UNC5D: variants seen among roughly 807,000 people sequenced by gnomAD.
The protein encoded by UNC5D is unc-5 netrin receptor D.
UNC5D carries 39 observed loss-of-function variants against 105.4 expected under a neutral mutation model. The observed-to-expected ratio is 0.37, with a 90% CI of 0.29 to 0.48. The LOEUF (loss-of-function observed/expected upper bound fraction) is 0.48. UNC5D is among the 20% of genes least tolerant of loss of function. The pLI, the probability that UNC5D is intolerant of heterozygous loss-of-function variation, is 0.98. For missense variants in UNC5D, 991 were observed against 1,202.4 expected (o/e 0.82, Z 2.60); for synonymous variants, 452 against 450.4 (o/e 1.00, Z -0.04).
intron 1 of UNC5D, among the ~76,000 whole-genome samples, chr8:35,489,850 T>C (rs928518869): frequency 1.2e-4 from 19 of 152,220 alleles, no homozygotes; most frequent in African/African-American, 4.3e-4. Context: ...TTTGAAATAA[T>C]GAGACATGAT....
At chr8:35,640,455 C>A (rs1822642277) in intron 4 of UNC5D, among the ~76,000 whole-genome samples, 2 of 152,022 alleles carry the variant, frequency 1.3e-5, no homozygotes, top group Admixed American at 1.3e-4. Flanking sequence ...TTTTTGCTTT[C>A]TTGATATGAT....
intron 1 of UNC5D, among the ~76,000 whole-genome samples, chr8:35,304,700 G>T (rs750802711): frequency 2.0e-5 from 3 of 151,974 alleles, no homozygotes; most frequent in African/African-American, 7.2e-5. Context: ...TTTCTCTTTC[G>T]TTTTCTATAT....
At chr8:35,347,276 G>A (rs920431806) in intron 1 of UNC5D, among the ~76,000 whole-genome samples, 6 of 152,006 alleles carry the variant, frequency 3.9e-5, no homozygotes, top group Non-Finnish European at 8.8e-5. Context: ...CAAGTGGTCA[G>A]TGGGCTTTGT....
In UNC5D at chr8:35,732,239, G is replaced by T. The variant is rs933189143; in HGVS notation, c.1766+1143G>T. 5.9e-5 allele frequency among the ~76,000 whole-genome samples: 9 copies of T among 152,182 alleles called. No homozygotes were observed. The East Asian group carries it at 1.3e-3, about 23-fold the overall frequency. On this transcript the variant is annotated intron_variant, in intron 11 of 16. Transcript: ENST00000404895. Reference sequence around the variant, plus strand: ...GCTATTTCTATAAAAGGATTTGTTGGTACTCAATGGTTTTAACTTTCTGCT... The same window carrying T: ...GCTATTTCTATAAAAGGATTTGTTGTTACTCAATGGTTTTAACTTTCTGCT...
chr8:35,683,441 T>C (rs556569453), intron 4 of UNC5D, 106 bp from the exon 5 acceptor site: 1 of 1,138,242 alleles, frequency 8.8e-7, no homozygotes, highest in Non-Finnish European at 1.2e-6. Flanking sequence ...TGTTGCTCTA[T>C]ATTTTAGATA....
intron 1 of UNC5D, among the ~76,000 whole-genome samples, chr8:35,495,547 C>T (rs1395449533): frequency 1.3e-5 from 2 of 150,682 alleles, no homozygotes; most frequent in African/African-American, 2.4e-5. Context: ...TCAAAGCTGT[C>T]CTGCAGGTTG....
chr8:35,312,791 G>C (rs1808994589), intron 1 of UNC5D, among the ~76,000 whole-genome samples: 1 of 152,134 alleles, frequency 6.6e-6, no homozygotes, highest in South Asian at 2.1e-4. Context: ...AGAACTTCAT[G>C]TTTCAATGTA....
intron 1 of UNC5D, among the ~76,000 whole-genome samples, chr8:35,437,018 T>C (rs111585954): frequency 1.3e-4 from 20 of 151,998 alleles, no homozygotes; most frequent in Non-Finnish European, 2.1e-4. Context: ...TTTTTTTTCA[T>C]TGAGACAGTG....
chr8:35,630,482 G>C (rs1374694723), intron 4 of UNC5D, among the ~76,000 whole-genome samples: 1 of 152,178 alleles, frequency 6.6e-6, no homozygotes, highest in African/African-American at 2.4e-5. Flanking sequence ...GCTAAGGCTG[G>C]TTGGCAACTC....
intron 2 of UNC5D, among the ~76,000 whole-genome samples, chr8:35,564,089 A>G (rs1186849790): frequency 2.0e-5 from 3 of 151,870 alleles, no homozygotes; most frequent in Admixed American, 2.0e-4. Flanking sequence ...TCTTTGTCTG[A>G]TTTTGGTATC....
intron 1 of UNC5D, among the ~76,000 whole-genome samples, chr8:35,373,354 G>A (rs1030763749): frequency 6.6e-6 from 1 of 152,170 alleles, no homozygotes; most frequent in Non-Finnish European, 1.5e-5. Context: ...ACTGGGAAAT[G>A]TTACCTACTC....
intron 1 of UNC5D, among the ~76,000 whole-genome samples, chr8:35,301,191 G>T (rs905578027): frequency 2.0e-5 from 3 of 152,138 alleles, no homozygotes; most frequent in Non-Finnish European, 4.4e-5. Flanking sequence ...GTGCCAGAAA[G>T]TACGAAGGGG....
chr8:35,761,520 A>C (rs1364241775), intron 14 of UNC5D, among the ~76,000 whole-genome samples: 2 of 152,220 alleles, frequency 1.3e-5, no homozygotes, highest in East Asian at 1.9e-4. Context: ...AGCAAGCTTT[A>C]CTGCCGGGAT....
chr8:35,356,106 A>T (rs1277831926), intron 1 of UNC5D, among the ~76,000 whole-genome samples: 1 of 152,164 alleles, frequency 6.6e-6, no homozygotes, highest in Non-Finnish European at 1.5e-5. Context: ...TAAATTACCC[A>T]GTCCTGGGTA....
At chr8:35,326,873 G>C (rs552158676) in intron 1 of UNC5D, among the ~76,000 whole-genome samples, 21 of 152,264 alleles carry the variant, frequency 1.4e-4, no homozygotes, top group African/African-American at 5.1e-4. Context: ...GCACTGGTGC[G>C]TTCAGGGCCT....
At chr8:35,618,072 C>T (rs904939437) in intron 4 of UNC5D, among the ~76,000 whole-genome samples, 3 of 152,188 alleles carry the variant, frequency 2.0e-5, no homozygotes, top group Non-Finnish European at 4.4e-5. Context: ...CATATACTGG[C>T]TCAACAGCAT....
chr8:35,794,581 T>A lies in UNC5D; in HGVS notation c.*4018T>A, dbSNP rs1803184740. ...CCACCGTTTCCGTAGTTTCCACTGT[T>A]TTGTCTGCATAGAATTTTCCTGAAC... On this transcript the variant is annotated 3_prime_UTR_variant, in exon 17 of 17. Transcript: ENST00000404895. The A allele has an allele frequency of 6.6e-6, 1 of 152,650 alleles. No individual in the cohort carries two copies. The allele number at this position is 152,650 out of a possible 1,614,324, so 9.5% of individuals were successfully genotyped here.
intron 11 of UNC5D, among the ~76,000 whole-genome samples, chr8:35,732,956 T>C (rs1290231818): frequency 2.6e-5 from 4 of 152,158 alleles, no homozygotes; most frequent in Non-Finnish European, 5.9e-5. Flanking sequence ...CCTTGAATGC[T>C]TTGTAAGCTC....
chr8:35,726,175 G>T lies in UNC5D; in HGVS notation c.1327G>T (p.Ala443Ser). ...AGGTAACTCCCTGCTCCTGAATTCTGCCATGCAGCCAGATCTGACAGTGAG... is the reference window on the plus strand; with the variant it reads ...AGGTAACTCCCTGCTCCTGAATTCTTCCATGCAGCCAGATCTGACAGTGAG... Reference protein sequence around the residue: ...RQGNSLLLNSAMQPDLTVSRT... With the variant: ...RQGNSLLLNSSMQPDLTVSRT... Residue 443 changes from alanine to serine, a missense_variant, in exon 10 of 17, where the codon GCC (alanine) becomes TCC (serine). Physicochemically the swap from Ala to Ser is moderately conservative, Grantham distance 99 (BLOSUM62 1). Around this residue, in one of 3 missense-constraint regions of UNC5D, gnomAD observed 944 missense variants for 1,131.6 expected, o/e 0.83. Transcript: ENST00000404895. 6.2e-7 allele frequency: 1 copy of T among 1,610,222 alleles called. No individual in the cohort carries two copies. Among genetic ancestry groups the T allele is most frequent in the Non-Finnish European group, 8.5e-7 (1 of 1,177,188 alleles).
Sources: gnomAD v4.1 joint callset for allele counts (sites outside exome capture counted in the v4.1 genomes callset) on GRCh38, gnomAD v4.1.1 for gene constraint, gnomAD v4.1.1 regional missense constraint, MANE v1.5 for transcripts, NCBI Gene and HGNC (gene_info 2026-07-23, HGNC 2026-07-21) for gene names.